RUFY3: variants seen among roughly 807,000 people sequenced by gnomAD.
The protein encoded by RUFY3 is RUN and FYVE domain containing 3.
Under a neutral mutation model 84.0 loss-of-function variants are expected in RUFY3, and 34 were observed. That is an observed-to-expected ratio of 0.40 (90% CI 0.31 to 0.54). RUFY3 has a LOEUF of 0.54. RUFY3 is among the 20% of genes least tolerant of loss of function. The probability of loss-of-function intolerance (pLI) is 0.39; values close to 1 mark genes in which losing one functional copy is unlikely to be tolerated. For missense variants in RUFY3, 507 were observed against 736.8 expected, an observed-to-expected ratio of 0.69 and a Z score of 3.61; for synonymous variants, 242 against 252.9, an observed-to-expected ratio of 0.96 and a Z score of 0.41.
intron 1 of RUFY3, among the ~76,000 whole-genome samples, chr4:70,735,856 C>T (rs777571858): frequency 2.6e-5 from 4 of 151,924 alleles, no homozygotes; most frequent in South Asian, 2.1e-4. Context: ...GGCATGGTGG[C>T]GGATACTTGC....
At chr4:70,764,346 G>T (rs1490170581) in intron 3 of RUFY3, 129 bp from the exon 4 acceptor site, 1 of 650,836 alleles carries the variant, frequency 1.5e-6, no homozygotes, top group African/African-American at 1.8e-5. Flanking sequence ...ACTGGGAGAG[G>T]TCCTGAGGAG....
intron 1 of RUFY3, among the ~76,000 whole-genome samples, chr4:70,707,243 G>C (rs1740438874): frequency 6.6e-6 from 1 of 152,232 alleles, no homozygotes; most frequent in South Asian, 2.1e-4. Context: ...TCTACCTTAG[G>C]ATACTAGCAA....
At chr4:70,766,544 T>G (rs936284571) in intron 4 of RUFY3, among the ~76,000 whole-genome samples, 5 of 152,170 alleles carry the variant, frequency 3.3e-5, no homozygotes, top group Admixed American at 3.3e-4. Flanking sequence ...CGCACCCGCC[T>G]GTTTCCATTT....
intron 1 of RUFY3, among the ~76,000 whole-genome samples, chr4:70,728,393 C>CG (rs1479598130): frequency 6.6e-6 from 1 of 152,078 alleles, no homozygotes; most frequent in Non-Finnish European, 1.5e-5. Context: ...ATTGCTAGCT[C>CG]GGGAAAAAAT....
intron 6 of RUFY3, 135 bp from the exon 7 acceptor site, chr4:70,775,033 T>C (rs77064269): frequency 0.026 from 13,417 of 525,098 alleles, 596 homozygotes; most frequent in East Asian, 0.16. Flanking sequence ...TTACATCAAA[T>C]CTGTCTTATG....
chr4:70,738,918 A>G (rs1720854514), intron 1 of RUFY3, among the ~76,000 whole-genome samples: 1 of 150,900 alleles, frequency 6.6e-6, no homozygotes, highest in Admixed American at 6.6e-5. Flanking sequence ...GTCTCCCTAT[A>G]TTGAGTAGGC....
chr4:70,783,540 A>G (rs1211844860), intron 9 of RUFY3, among the ~76,000 whole-genome samples: 2 of 152,276 alleles, frequency 1.3e-5, no homozygotes, highest in Admixed American at 6.5e-5. Flanking sequence ...CCTTATTTAT[A>G]TATCACTGGG....
chr4:70,753,436 T>C (rs909913891), intron 1 of RUFY3, among the ~76,000 whole-genome samples: 1 of 152,244 alleles, frequency 6.6e-6, no homozygotes, highest in Non-Finnish European at 1.5e-5. Context: ...TTTCTACTTA[T>C]ATACATGTAT....
intron 1 of RUFY3, among the ~76,000 whole-genome samples, chr4:70,707,808 A>G (rs1740512718): frequency 6.6e-6 from 1 of 152,078 alleles, no homozygotes; most frequent in African/African-American, 2.4e-5. Context: ...TACCTGTTAC[A>G]TTTATATGTG....
chr4:70,784,280 C>G (rs1729415705), intron 9 of RUFY3, among the ~76,000 whole-genome samples: 1 of 152,124 alleles, frequency 6.6e-6, no homozygotes, highest in African/African-American at 2.4e-5. Flanking sequence ...GTCGGGAGTT[C>G]GAGACCAGCC....
intron 1 of RUFY3, among the ~76,000 whole-genome samples, chr4:70,714,027 A>G (rs929264159): frequency 1.3e-5 from 2 of 152,238 alleles, no homozygotes; most frequent in Non-Finnish European, 2.9e-5. Flanking sequence ...GCCAAGTGCC[A>G]TGCTAAGCAT....
Position 70,794,989 on chromosome 4 carries a change from A to G in RUFY3, c.1557+95A>G, listed in dbSNP as rs137939331. On this transcript the variant is annotated intron_variant, in intron 14 of 17. Coordinates refer to ENST00000381006, the MANE Select transcript of RUFY3 (RefSeq NM_001037442.4). ...CTGTCAGTTTTCCTTTACAGATCACATACTTAGTGGCTGTGTCCTCAAGTA... is the reference window on the plus strand; with the variant it reads ...CTGTCAGTTTTCCTTTACAGATCACGTACTTAGTGGCTGTGTCCTCAAGTA... 340 of 796,202 alleles carry G rather than the reference A, an allele frequency of 4.3e-4. 1 individual carries two copies. The African/African-American group carries it at 5.0e-3, about 12-fold the overall frequency. The allele number at this position is 796,202 out of a possible 1,614,324, so 49.3% of individuals were successfully genotyped here.
At chr4:70,736,529 T>C (rs1340221969) in intron 1 of RUFY3, among the ~76,000 whole-genome samples, 7 of 152,140 alleles carry the variant, frequency 4.6e-5, no homozygotes, top group Non-Finnish European at 4.4e-5. Context: ...TTTGTCATTT[T>C]GTTTAATGTC....
chr4:70,754,986 C>T (rs1389426892), intron 1 of RUFY3, among the ~76,000 whole-genome samples: 1 of 151,884 alleles, frequency 6.6e-6, no homozygotes, highest in African/African-American at 2.4e-5. Context: ...TCACTGCAAC[C>T]TCCGCTTCCC....
intron 1 of RUFY3, among the ~76,000 whole-genome samples, chr4:70,705,807 G>C (rs1740266528): frequency 6.6e-6 from 1 of 152,254 alleles, no homozygotes; most frequent in South Asian, 2.1e-4. Flanking sequence ...GCCGCCGCCA[G>C]TGCGGCCTTA....
chr4:70,721,202 C>G (rs1298751779), upstream of RUFY3, among the ~76,000 whole-genome samples: 1 of 151,816 alleles, frequency 6.6e-6, no homozygotes, highest in Non-Finnish European at 1.5e-5. Context: ...ATCCCAGCTA[C>G]TCGGGAGGCT....
At chr4:70,755,679 C>T (rs933314037) in intron 1 of RUFY3, among the ~76,000 whole-genome samples, 4 of 152,114 alleles carry the variant, frequency 2.6e-5, no homozygotes, top group Admixed American at 6.6e-5. Flanking sequence ...AGGTCGGGTA[C>T]GGTGGCTCAT....
At chr4:70,781,181 GA>G (rs1243009996) in intron 8 of RUFY3, among the ~76,000 whole-genome samples, 2 of 151,930 alleles carry the variant, frequency 1.3e-5, no homozygotes, top group Non-Finnish European at 2.9e-5. Context: ...TTAAGCAGAT[GA>G]AGATATAAAT....
chr4:70,760,553 TA>T (rs771194295), intron 1 of RUFY3, among the ~76,000 whole-genome samples: 4,064 of 149,808 alleles, frequency 0.027, 77 homozygotes, highest in Middle Eastern at 0.056. Flanking sequence ...ACCCCAGCTC[TA>T]TTTTTTTTTT....
Sources: gnomAD v4.1 joint callset for allele counts (sites outside exome capture counted in the v4.1 genomes callset) on GRCh38, gnomAD v4.1.1 for gene constraint, MANE v1.5 for transcripts, NCBI Gene and HGNC (gene_info 2026-07-23, HGNC 2026-07-21) for gene names.